The following CCAR1 variants were observed in gnomAD, a reference collection of about 807,000 sequenced individuals.
CCAR1 encodes cell division cycle and apoptosis regulator 1, also known as cell division cycle and apoptosis regulator protein 1.
A neutral mutation model predicts 163.8 loss-of-function variants in CCAR1; 78 were observed. The observed-to-expected ratio is 0.48, with a 90% CI of 0.40 to 0.57. The LOEUF (loss-of-function observed/expected upper bound fraction) is 0.57, where lower values mean the gene tolerates loss of function less well. CCAR1 is among the 20% of genes least tolerant of loss of function. CCAR1 has a pLI of 0.00. For synonymous variants in CCAR1, 443 were observed against 460.7 expected, an observed-to-expected ratio of 0.96 and a Z score of 0.49; for missense variants, 1,019 against 1,365.2, an observed-to-expected ratio of 0.75 and a Z score of 4.00.
At chr10:68,743,490 T>A (rs1023411387) in intron 6 of CCAR1, among the ~76,000 whole-genome samples, 27 of 151,856 alleles carry the variant, frequency 1.8e-4, no homozygotes, top group Non-Finnish European at 7.4e-5. Context: ...GTATTTTTAT[T>A]TTTTTCTGAA....
chr10:68,723,577 G>A (rs762519010), intron 2 of CCAR1, among the ~76,000 whole-genome samples: 10 of 151,882 alleles, frequency 6.6e-5, no homozygotes, highest in Non-Finnish European at 1.3e-4. Flanking sequence ...GGCCGGGCGC[G>A]GTGACTCATG....
chr10:68,769,028 G>A (rs546740212), intron 17 of CCAR1, among the ~76,000 whole-genome samples: 2 of 152,120 alleles, frequency 1.3e-5, no homozygotes, highest in African/African-American at 2.4e-5. Context: ...AGGCTGTAGT[G>A]TAATGGCATG....
rs376581291 is a variant in CCAR1 at position 68,760,979 on chromosome 10, T to TC, written c.1921-26dup. The TC allele has an allele frequency of 1.1e-4, 141 of 1,279,692 alleles. No individual in the cohort carries two copies. In the African/African-American group the frequency reaches 2.0e-3, roughly 18 times the overall value. 79.3% of individuals were successfully genotyped at this position (1,279,692 alleles called of 1,614,324 possible). Reference sequence around the variant, plus strand: ...CCCGCCCCCCGCCACCTTTTTTTTTTCCGTGTTTTTCTGCTCCATATATTC... The same window carrying TC: ...CCCGCCCCCCGCCACCTTTTTTTTTTCCCGTGTTTTTCTGCTCCATATATTC... On this transcript the variant is annotated intron_variant, in intron 15 of 24. Transcript: ENST00000265872.
At chr10:68,758,813 C>G (rs186839653) in intron 15 of CCAR1, among the ~76,000 whole-genome samples, 1 of 151,654 alleles carries the variant, frequency 6.6e-6, no homozygotes, top group South Asian at 2.1e-4. Flanking sequence ...GCTGGGACTA[C>G]AGGCCTGTGC....
intron 19 of CCAR1, 104 bp from the exon 20 acceptor site, chr10:68,786,032 G>A (rs1464147686): frequency 3.9e-5 from 28 of 719,792 alleles, no homozygotes; most frequent in Middle Eastern, 3.4e-4. Context: ...ACCCTCGAAC[G>A]CCTGGCCCTC....
At chr10:68,753,819 G>T (rs144364640) in intron 10 of CCAR1, 33 bp from the exon 11 acceptor site, 66 of 1,407,928 alleles carry the variant, frequency 4.7e-5, no homozygotes, top group Non-Finnish European at 6.5e-5. Context: ...TTTTATTAAG[G>T]CTATTTATTC....
intron 2 of CCAR1, 89 bp downstream of exon 2, chr10:68,722,666 T>G: frequency 2.0e-6 from 2 of 984,640 alleles, no homozygotes; most frequent in Non-Finnish European, 3.2e-6. Flanking sequence ...GGCTCACGCC[T>G]GTTATCCTAG....
chr10:68,764,582 C>T (rs1169196020), intron 16 of CCAR1, among the ~76,000 whole-genome samples: 1 of 151,958 alleles, frequency 6.6e-6, no homozygotes. Flanking sequence ...CAAACCCTTA[C>T]CAAGTTGCAG....
chr10:68,732,414 A>G (rs1276426940), intron 2 of CCAR1, among the ~76,000 whole-genome samples: 1 of 152,112 alleles, frequency 6.6e-6, no homozygotes, highest in African/African-American at 2.4e-5. Context: ...CAGTGGCGCC[A>G]TCTCAGCTCA....
rs754604218 is a variant in CCAR1 at position 68,757,372 on chromosome 10, A to G, written c.1915A>G (p.Met639Val). The G allele has an allele frequency of 3.9e-6, 6 of 1,529,514 alleles. No homozygotes were observed. Among genetic ancestry groups the G allele is most frequent in the Non-Finnish European group, 5.4e-6 (6 of 1,108,026 alleles). 94.7% of individuals were successfully genotyped at this position (1,529,514 alleles called of 1,614,324 possible). The change falls in exon 15 of 25, where the codon ATG (methionine) becomes GTG (valine). Residue 639 changes from methionine to valine, a missense_variant. Met to Val is a conservative substitution (Grantham distance 21). Coordinates refer to ENST00000265872, the MANE Select transcript of CCAR1 (RefSeq NM_018237.4). ...THWSKLDPKT[M>V]KVNDLRKELE... Reference sequence around the variant, plus strand: ...TTGGTCTAAACTTGATCCAAAGACAATGAAGGTAACTTTGATAAGGATGGA... The same window carrying G: ...TTGGTCTAAACTTGATCCAAAGACAGTGAAGGTAACTTTGATAAGGATGGA...
chr10:68,738,795 C>G (rs969612363), intron 4 of CCAR1, among the ~76,000 whole-genome samples: 1 of 151,828 alleles, frequency 6.6e-6, no homozygotes, highest in Non-Finnish European at 1.5e-5. Flanking sequence ...GCCTGTAATC[C>G]AAGCACTTTG....
At chr10:68,743,455 T>G (rs2056210707) in intron 6 of CCAR1, among the ~76,000 whole-genome samples, 2 of 152,016 alleles carry the variant, frequency 1.3e-5, no homozygotes, top group African/African-American at 4.8e-5. Flanking sequence ...TGTGAGCCAC[T>G]GTGTCTGGCC....
Position 68,722,690 on chromosome 10 carries a change from G to A in CCAR1, c.73+113G>A, listed in dbSNP as rs2055876513. 5 of 740,998 alleles carry A rather than the reference G, an allele frequency of 6.7e-6. No individual in the cohort carries two copies. The Middle Eastern group carries it at 1.1e-3, about 163-fold the overall frequency. 45.9% of individuals were successfully genotyped at this position (740,998 alleles called of 1,614,324 possible). A position where few individuals can be genotyped will look rare whatever the true frequency, so the allele number is the denominator to read the frequency against. On this transcript the variant is annotated intron_variant, in intron 2 of 24. Coordinates refer to ENST00000265872, the MANE Select transcript of CCAR1 (RefSeq NM_018237.4). ...CTGTTATCCTAGCACTTTGGGAAGC[G>A]GAGGAGGTGGATCACGAGGTCAGGA... is the stretch of plus-strand genomic sequence containing the variant.
intron 2 of CCAR1, among the ~76,000 whole-genome samples, chr10:68,734,859 A>G (rs1360372785): frequency 6.6e-6 from 1 of 152,170 alleles, no homozygotes; most frequent in Non-Finnish European, 1.5e-5. Context: ...GAATTGGGTA[A>G]AAGGATCAAG....
intron 2 of CCAR1, among the ~76,000 whole-genome samples, chr10:68,736,514 C>T (rs1300248983): frequency 6.6e-6 from 1 of 152,160 alleles, no homozygotes; most frequent in Admixed American, 6.6e-5. Context: ...CTCTTGTAGC[C>T]ACCATTTTAC....
At chr10:68,747,994 C>G (rs1369401629) in intron 8 of CCAR1, among the ~76,000 whole-genome samples, 1 of 152,112 alleles carries the variant, frequency 6.6e-6, no homozygotes, top group African/African-American at 2.4e-5. Context: ...GCTGGGACTA[C>G]AGTCATGTGC....
At chr10:68,764,047 A>C (rs1347898013) in intron 16 of CCAR1, among the ~76,000 whole-genome samples, 1 of 152,206 alleles carries the variant, frequency 6.6e-6, no homozygotes, top group African/African-American at 2.4e-5. Context: ...GAAGATAGAT[A>C]TATAGATAAG....
At chr10:68,790,916 C>T (rs1163502409) in intron 24 of CCAR1, among the ~76,000 whole-genome samples, 2 of 151,538 alleles carry the variant, frequency 1.3e-5, no homozygotes, top group Admixed American at 1.3e-4. Flanking sequence ...CCAGGCTGGT[C>T]TCCAACTCCT....
intron 23 of CCAR1, 81 bp downstream of exon 23, chr10:68,788,409 TACGTACCTGTGTAC>T: frequency 1.1e-6 from 1 of 921,364 alleles, no homozygotes; most frequent in Non-Finnish European, 1.6e-6. Flanking sequence ...CATACATATA[TACGTACCTGTGTAC>T]ACATTTGCAT....
Sources: allele counts gnomAD v4.1 joint callset (sites outside exome capture counted in the v4.1 genomes callset), GRCh38; gene constraint gnomAD v4.1.1; transcripts MANE v1.5; gene names NCBI Gene and HGNC (gene_info 2026-07-23, HGNC 2026-07-21).